Variants in TPH1 observed in about 807,000 individuals in gnomAD.
TPH1 encodes tryptophan 5-hydroxylase 1.
Under a neutral mutation model 49.5 loss-of-function variants are expected in TPH1, and 37 were observed. The observed-to-expected ratio is 0.75, with a 90% CI of 0.58 to 0.98. The LOEUF (loss-of-function observed/expected upper bound fraction) is 0.98, where lower values mean the gene tolerates loss of function less well. Ranked by LOEUF, TPH1 falls within the 50% of genes least tolerant of loss-of-function variation. The pLI, the probability that TPH1 is intolerant of heterozygous loss-of-function variation, is 0.00. For synonymous variants in TPH1, 160 were observed against 182.1 expected (o/e 0.88, Z 0.98); for missense variants, 487 against 523.6 (o/e 0.93, Z 0.68).
intron 3 of TPH1, among the ~76,000 whole-genome samples, chr11:18,034,738 A>C (rs1564858580): frequency 6.6e-6 from 1 of 152,138 alleles, no homozygotes; most frequent in Non-Finnish European, 1.5e-5. Flanking sequence ...ATGTACCTAA[A>C]TTATCTATTT....
chr11:18,023,696 T>C (rs1854390407), intron 9 of TPH1, among the ~76,000 whole-genome samples, 192 bp downstream of exon 9: 1 of 151,450 alleles, frequency 6.6e-6, no homozygotes. Context: ...TCTATACATA[T>C]ACACACACAC....
chr11:18,029,304 G>A lies in TPH1; in HGVS notation c.528C>T (p.Thr176=), dbSNP rs150277860. The change falls in exon 6 of 11, where the codon ACC becomes ACT. Residue 176 remains threonine, a synonymous_variant. Transcript: ENST00000682019. ...AGAGTTTGTTGAGCTCTTGGAATAC[G>A]GTTCCCCAGGTCTTAATCTCCTCTT... ...FTEEEIKTWG[T]VFQELNKLYP... 3.5e-4 allele frequency: 571 copies of A among 1,613,974 alleles called. 2 individuals are homozygous for A. In the African/African-American group the frequency reaches 5.1e-3, roughly 14 times the overall value.
chr11:18,033,504 C>A, intron 3 of TPH1, 130 bp from the exon 4 acceptor site: 1 of 726,738 alleles, frequency 1.4e-6, no homozygotes. Flanking sequence ...TACATCAAGG[C>A]AAGATTTATA....
At chr11:18,045,458 T>A (rs753664700) in intron 1 of TPH1, among the ~76,000 whole-genome samples, 1 of 146,132 alleles carries the variant, frequency 6.8e-6, no homozygotes, top group Non-Finnish European at 1.5e-5. Context: ...TACAGAAACA[T>A]TGATATTAGA....
intron 1 of TPH1, chr11:18,042,227 C>A (rs1437723391): frequency 1.4e-5 from 5 of 366,092 alleles, no homozygotes; most frequent in Non-Finnish European, 2.1e-5. Context: ...AGGAAGTGAC[C>A]ATTTCTTAAG....
In TPH1 at chr11:18,020,807, AT is replaced by A. The variant is rs1839370975; in HGVS notation, c.*183del. The A allele has an allele frequency of 1.5e-5, 9 of 605,188 alleles. No individual in the cohort carries two copies. In the East Asian group the frequency reaches 1.7e-4, roughly 11 times the overall value. 37.5% of individuals were successfully genotyped at this position (605,188 alleles called of 1,614,324 possible). Reference sequence around the variant, plus strand: ...AAAAGAAATAAAACTAAACAAAAAAATAAGTGGTAAATAGAATATCCAGGTA... The same window carrying A: ...AAAAGAAATAAAACTAAACAAAAAAAAAGTGGTAAATAGAATATCCAGGTA... On this transcript the variant is annotated 3_prime_UTR_variant, in exon 11 of 11. Coordinates refer to ENST00000682019, the MANE Select transcript of TPH1 (RefSeq NM_004179.3).
intron 3 of TPH1, 71 bp downstream of exon 3, chr11:18,035,888 A>T: frequency 7.7e-7 from 1 of 1,296,064 alleles, no homozygotes; most frequent in Non-Finnish European, 1.1e-6. Flanking sequence ...AATGTCTTCA[A>T]GATAAATATA....
chr11:18,031,829 G>A (rs964215297), intron 4 of TPH1, among the ~76,000 whole-genome samples: 2 of 151,872 alleles, frequency 1.3e-5, no homozygotes, highest in African/African-American at 2.4e-5. Context: ...TTGAAATGTC[G>A]CCTTTCTCTG....
intron 10 of TPH1, among the ~76,000 whole-genome samples, chr11:18,022,182 T>C (rs1485031186): frequency 2.0e-5 from 3 of 152,228 alleles, no homozygotes; most frequent in Admixed American, 2.0e-4. Flanking sequence ...CAGGCATTTA[T>C]TTTCGCCTGA....
At chr11:18,045,416 T>C (rs1227571998) in intron 1 of TPH1, among the ~76,000 whole-genome samples, 3 of 152,044 alleles carry the variant, frequency 2.0e-5, no homozygotes, top group Non-Finnish European at 4.4e-5. Flanking sequence ...TGGACCTCAG[T>C]GATAACATAT....
chr11:18,029,435 T>C (rs1217802308), intron 5 of TPH1, 74 bp from the exon 6 acceptor site: 3 of 1,558,164 alleles, frequency 1.9e-6, no homozygotes, highest in Non-Finnish European at 2.7e-6. Flanking sequence ...ACTTTCTACT[T>C]ACCAAATGAA....
At position 18,020,737 on chromosome 11, in the gene TPH1, T is replaced by C. The variant is rs866140414; in HGVS notation, c.*254A>G. On this transcript the variant is annotated 3_prime_UTR_variant, in exon 11 of 11. Transcript: ENST00000682019. ...CTATTAAAAATGGGTGGTCAGTGGC[T>C]TGTATGGTATATAAATTGTCTCATT... 3 of 428,898 alleles carry C rather than the reference T, an allele frequency of 7.0e-6. No individual in the cohort carries two copies. Among genetic ancestry groups the C allele is most frequent in the Middle Eastern group, 1.4e-3 (2 of 1,424 alleles). The allele number at this position is 428,898 out of a possible 1,614,324, so 26.6% of individuals were successfully genotyped here.
Position 18,023,981 on chromosome 11 carries a change from G to C in TPH1, c.933C>G (p.Cys311Trp). 6.2e-7 allele frequency: 1 copy of C among 1,607,560 alleles called. No homozygotes were observed. Among genetic ancestry groups the C allele is most frequent in the Non-Finnish European group, 8.5e-7 (1 of 1,174,586 alleles). The change falls in exon 9 of 11, where the codon TGC becomes TGG. Residue 311 changes from cysteine to tryptophan, a missense_variant and splice_region_variant. Physicochemically the swap from Cys to Trp is radical, Grantham distance 215 (BLOSUM62 -2). Coordinates refer to ENST00000682019, the MANE Select transcript of TPH1 (RefSeq NM_004179.3). ...GACCAAACTCCACAGTGAAAAAGTA[G>C]CACTGCAAAAGAACATCAATATTAT... ...SEEAVQKLAT[C>W]YFFTVEFGLC...
chr11:18,044,129 T>C (rs1232252507), intron 1 of TPH1, among the ~76,000 whole-genome samples: 2 of 152,158 alleles, frequency 1.3e-5, no homozygotes, highest in Non-Finnish European at 2.9e-5. Flanking sequence ...TTTAAAGACA[T>C]ACATTATTAT....
At chr11:18,034,568 G>GTTC (rs1288257486) in intron 3 of TPH1, among the ~76,000 whole-genome samples, 2 of 152,236 alleles carry the variant, frequency 1.3e-5, no homozygotes, top group East Asian at 3.9e-4. Context: ...AAGGGACTTG[G>GTTC]GGAAGTAGCT....
At chr11:18,024,433 G>C (rs1272522372) in intron 8 of TPH1, among the ~76,000 whole-genome samples, 1 of 152,182 alleles carries the variant, frequency 6.6e-6, no homozygotes, top group Non-Finnish European at 1.5e-5. Flanking sequence ...AAGACAGATG[G>C]AGTCTCGTGT....
In TPH1 at chr11:18,046,259, C is replaced by T. The variant is rs1848140428; in HGVS notation, c.-45G>A. Among the ~76,000 whole-genome samples, 2 of 152,154 alleles carry T rather than the reference C, an allele frequency of 1.3e-5. No individual in the cohort carries two copies. Among genetic ancestry groups the T allele is most frequent in the Admixed American group, 6.5e-5 (1 of 15,278 alleles). On this transcript the variant is annotated 5_prime_UTR_variant, in exon 1 of 11. Transcript: ENST00000682019. ...CACTCACCTCGGGCGCCAGTAGGTG[C>T]AGGCTGGGTCGGCCGGCGGCCCCGC... is the stretch of plus-strand genomic sequence containing the variant.
chr11:18,020,376 A>G lies in TPH1; in HGVS notation c.*615T>C, dbSNP rs991128302. 1 of 153,816 alleles carries G rather than the reference A, an allele frequency of 6.5e-6. No homozygotes were observed. The highest frequency in any genetic ancestry group is 2.4e-5 in the African/African-American group (1 of 41,404). The allele number at this position is 153,816 out of a possible 1,614,324, so 9.5% of individuals were successfully genotyped here. On this transcript the variant is annotated 3_prime_UTR_variant, in exon 11 of 11. Coordinates refer to ENST00000682019, the MANE Select transcript of TPH1 (RefSeq NM_004179.3). ...AACCTTTCCAGGCTTAGCTACTCCC[A>G]TTTCCCTACAAGATACTACACTTGA...
intron 2 of TPH1, among the ~76,000 whole-genome samples, chr11:18,037,597 T>G (rs1848059001): frequency 1.3e-5 from 2 of 152,118 alleles, no homozygotes; most frequent in Admixed American, 1.3e-4. Context: ...ATTTTCTAAA[T>G]GATGACTTGA....
Sources: gnomAD v4.1 joint callset for allele counts (sites outside exome capture counted in the v4.1 genomes callset) on GRCh38, gnomAD v4.1.1 for gene constraint, MANE v1.5 for transcripts, NCBI Gene and HGNC (gene_info 2026-07-23, HGNC 2026-07-21) for gene names.